LRMDA: variants seen among roughly 807,000 people sequenced by gnomAD.
LRMDA encodes the protein leucine rich melanocyte differentiation associated.
Under a neutral mutation model 29.8 loss-of-function variants are expected in LRMDA, and 18 were observed. That is an observed-to-expected ratio of 0.60 (90% CI 0.42 to 0.90). The LOEUF (loss-of-function observed/expected upper bound fraction) is 0.90. LRMDA is among the 40% of genes least tolerant of loss of function. LRMDA has a pLI of 0.00. For missense variants in LRMDA, 273 were observed against 273.9 expected (o/e 1.00, Z 0.02); for synonymous variants, 125 against 109.4 (o/e 1.14, Z -0.89).
At chr10:75,792,691 C>T (rs140818000) in intron 2 of LRMDA, among the ~76,000 whole-genome samples, 2,889 of 152,286 alleles carry the variant, frequency 0.019, 43 homozygotes, top group Non-Finnish European at 0.028. Context: ...GGGGTCATAG[C>T]CCTGCTCTGA....
chr10:76,434,926 C>T (rs151030749), intron 6 of LRMDA, among the ~76,000 whole-genome samples: 64 of 152,256 alleles, frequency 4.2e-4, no homozygotes, highest in Middle Eastern at 3.4e-3. Flanking sequence ...TGCCAGTAGC[C>T]AGGCACTGTG....
intron 5 of LRMDA, among the ~76,000 whole-genome samples, chr10:76,235,573 G>A (rs1852136852): frequency 6.6e-6 from 1 of 152,144 alleles, no homozygotes; most frequent in South Asian, 2.1e-4. Context: ...ATAGGTGACA[G>A]CCTGCGACAG....
intron 6 of LRMDA, among the ~76,000 whole-genome samples, chr10:76,489,952 G>A (rs988251374): frequency 3.3e-5 from 5 of 151,890 alleles, no homozygotes; most frequent in Non-Finnish European, 7.4e-5. Flanking sequence ...GCAGATCTGT[G>A]AGTCAGTTAA....
chr10:76,309,568 A>G (rs1229276577), intron 5 of LRMDA, among the ~76,000 whole-genome samples: 3 of 152,188 alleles, frequency 2.0e-5, no homozygotes, highest in African/African-American at 7.2e-5. Context: ...AAGGGCAAGG[A>G]GCGCTGATCT....
intron 2 of LRMDA, among the ~76,000 whole-genome samples, chr10:75,864,633 C>T (rs188458276): frequency 4.7e-4 from 72 of 152,332 alleles, no homozygotes; most frequent in Admixed American, 3.3e-3. Context: ...ACACTTTCTG[C>T]TCTAATGTTA....
chr10:75,631,406 C>CT (rs1841321248), intron 2 of LRMDA, among the ~76,000 whole-genome samples: 1 of 151,988 alleles, frequency 6.6e-6, no homozygotes, highest in African/African-American at 2.4e-5. Flanking sequence ...TCACTGCACC[C>CT]CCCCCGCCCC....
At chr10:76,062,591 G>A (rs1848718660) in intron 5 of LRMDA, among the ~76,000 whole-genome samples, 1 of 151,754 alleles carries the variant, frequency 6.6e-6, no homozygotes, top group Admixed American at 6.6e-5. Flanking sequence ...TGTAGAGAAA[G>A]ATGCTGTCAT....
At chr10:76,024,893 C>T (rs1200380491) in intron 2 of LRMDA, among the ~76,000 whole-genome samples, 2 of 152,254 alleles carry the variant, frequency 1.3e-5, no homozygotes, top group Non-Finnish European at 2.9e-5. Context: ...CTTGGCCCAA[C>T]ATATGTTTGC....
At chr10:76,530,907 G>A (rs1302055949) in intron 6 of LRMDA, among the ~76,000 whole-genome samples, 2 of 152,052 alleles carry the variant, frequency 1.3e-5, no homozygotes, top group Non-Finnish European at 2.9e-5. Flanking sequence ...ATGCTTCTGG[G>A]GACAATTGGC....
chr10:75,612,061 C>G (rs1471946022), intron 2 of LRMDA, among the ~76,000 whole-genome samples: 1 of 152,160 alleles, frequency 6.6e-6, no homozygotes, highest in Non-Finnish European at 1.5e-5. Flanking sequence ...AATGGGGTTT[C>G]TAGAACAATA....
intron 2 of LRMDA, among the ~76,000 whole-genome samples, chr10:75,497,060 GC>G (rs1340591887): frequency 6.6e-6 from 1 of 151,768 alleles, no homozygotes; most frequent in Non-Finnish European, 1.5e-5. Context: ...AAAGACATAT[GC>G]ATGGGTGGGG....
chr10:75,448,786 A>G (rs1844423103), intron 2 of LRMDA, among the ~76,000 whole-genome samples: 1 of 152,210 alleles, frequency 6.6e-6, no homozygotes, highest in Non-Finnish European at 1.5e-5. Context: ...ACTTGCCAAT[A>G]ATACCAAGAG....
At chr10:76,512,211 G>A (rs1385097119) in intron 6 of LRMDA, among the ~76,000 whole-genome samples, 5 of 152,118 alleles carry the variant, frequency 3.3e-5, no homozygotes, top group Non-Finnish European at 7.3e-5. Flanking sequence ...TGATTCTGAG[G>A]CCTCCCCAGC....
intron 2 of LRMDA, among the ~76,000 whole-genome samples, chr10:75,900,189 T>G (rs1051652677): frequency 2.0e-5 from 3 of 152,248 alleles, no homozygotes; most frequent in Admixed American, 6.5e-5. Context: ...TCCCGTATTT[T>G]GAATAACTAA....
intron 2 of LRMDA, among the ~76,000 whole-genome samples, chr10:75,888,368 A>G (rs1411336389): frequency 6.6e-6 from 1 of 152,216 alleles, no homozygotes. Context: ...AGTTGCAACT[A>G]GAGGTCAGTT....
chr10:76,332,758 C>T (rs998016727), intron 6 of LRMDA, among the ~76,000 whole-genome samples: 2 of 152,146 alleles, frequency 1.3e-5, no homozygotes, highest in African/African-American at 4.8e-5. Flanking sequence ...ACAAAGATTG[C>T]TATGAGCACA....
intron 6 of LRMDA, among the ~76,000 whole-genome samples, chr10:76,397,213 A>C (rs1841795233): frequency 6.6e-6 from 1 of 152,132 alleles, no homozygotes; most frequent in Non-Finnish European, 1.5e-5. Context: ...ATTGCTACCA[A>C]CCAGACCAGG....
At chr10:75,964,148 T>C (rs955247920) in intron 2 of LRMDA, among the ~76,000 whole-genome samples, 1 of 152,236 alleles carries the variant, frequency 6.6e-6, no homozygotes, top group Non-Finnish European at 1.5e-5. Flanking sequence ...AGGAATGCGT[T>C]ACAAATAAAC....
intron 2 of LRMDA, among the ~76,000 whole-genome samples, chr10:75,722,137 T>C (rs1412036887): frequency 6.6e-6 from 1 of 152,116 alleles, no homozygotes. Flanking sequence ...TCGTAACAAA[T>C]GGGTATCAGT....
Sources: gnomAD v4.1 joint callset for allele counts (sites outside exome capture counted in the v4.1 genomes callset) on GRCh38, gnomAD v4.1.1 for gene constraint, MANE v1.5 for transcripts, NCBI Gene and HGNC (gene_info 2026-07-23, HGNC 2026-07-21) for gene names.